The following SLC16A7 variants were observed in gnomAD, a reference collection of about 807,000 sequenced individuals.
SLC16A7 encodes solute carrier family 16 member 7.
In SLC16A7, 33 loss-of-function variants were observed where a neutral mutation model predicts 34.9. That is an observed-to-expected ratio of 0.94 (90% confidence interval 0.72 to 1.26). The LOEUF (loss-of-function observed/expected upper bound fraction) is 1.26, where lower values mean the gene tolerates loss of function less well. Ranked by LOEUF, SLC16A7 falls within the 50% of genes most tolerant of loss-of-function variation. SLC16A7 has a pLI of 0.00. For missense variants in SLC16A7, 573 were observed against 578.1 expected (o/e 0.99, Z 0.09); for synonymous variants, 201 against 206.6 (o/e 0.97, Z 0.23).
chr12:59,711,312 A>G (rs778058300), intron 3 of SLC16A7, among the ~76,000 whole-genome samples: 3 of 152,200 alleles, frequency 2.0e-5, no homozygotes, highest in Non-Finnish European at 4.4e-5. Context: ...AGAGATTAAT[A>G]TGTTATGTTT....
intron 3 of SLC16A7, among the ~76,000 whole-genome samples, chr12:59,744,961 C>T (rs1283302424): frequency 6.6e-6 from 1 of 152,154 alleles, no homozygotes; most frequent in East Asian, 1.9e-4. Context: ...TCTAGATCCC[C>T]CCATCAAAGG....
chr12:59,752,176 G>A (rs1246447917), intron 3 of SLC16A7, among the ~76,000 whole-genome samples: 1 of 152,042 alleles, frequency 6.6e-6, no homozygotes, highest in African/African-American at 2.4e-5. Flanking sequence ...AGAAAAACTG[G>A]AAACTCTAAA....
intron 3 of SLC16A7, among the ~76,000 whole-genome samples, chr12:59,737,184 C>T (rs1047833773): frequency 6.6e-6 from 1 of 152,222 alleles, no homozygotes; most frequent in Admixed American, 6.5e-5. Flanking sequence ...GGACATACAA[C>T]TCACCTAATC....
chr12:59,670,260 T>A (rs139904832), intron 2 of SLC16A7, among the ~76,000 whole-genome samples: 1 of 152,294 alleles, frequency 6.6e-6, no homozygotes, highest in Non-Finnish European at 1.5e-5. Flanking sequence ...GGATAAAAGC[T>A]CACCCTACTC....
At chr12:59,738,463 G>A (rs1877863935) in intron 3 of SLC16A7, among the ~76,000 whole-genome samples, 1 of 152,164 alleles carries the variant, frequency 6.6e-6, no homozygotes, top group African/African-American at 2.4e-5. Context: ...GAACTGGGGA[G>A]GAAGAGAGTT....
At chr12:59,678,440 TTAGCAGAGAGGA>T (rs111697313) in intron 2 of SLC16A7, among the ~76,000 whole-genome samples, 10,827 of 152,192 alleles carry the variant, frequency 0.071, 432 homozygotes, top group Middle Eastern at 0.17. Context: ...TGTTCAGCTC[TTAGCAGAGAGGA>T]TACCCTGAAA....
Position 59,779,930 on chromosome 12 carries a change from G to A in SLC16A7, c.*251G>A, listed in dbSNP as rs1219116013. The A allele has an allele frequency of 8.9e-6, 3 of 335,344 alleles. No individual in the cohort carries two copies. The highest frequency in any genetic ancestry group is 9.2e-5 in the Admixed American group (2 of 21,642). The allele number at this position is 335,344 out of a possible 1,614,324, so 20.8% of individuals were successfully genotyped here. ...TTTATTTCCATACCTGACTCTGGGT[G>A]TGGTGGTTAAAATACTAATTTTAAA... On this transcript the variant is annotated 3_prime_UTR_variant, in exon 6 of 6. Coordinates refer to ENST00000547379, the MANE Select transcript of SLC16A7 (RefSeq NM_001270623.2).
At chr12:59,650,011 A>G (rs1239387727) in intron 1 of SLC16A7, among the ~76,000 whole-genome samples, 2 of 152,086 alleles carry the variant, frequency 1.3e-5, no homozygotes, top group African/African-American at 4.8e-5. Context: ...TATTTGTCTA[A>G]TATTTCACTT....
chr12:59,786,291 A>G lies in SLC16A7; in HGVS notation c.*6612A>G, dbSNP rs896090754. ...ACAAAAGAATGGCATTTTATCTCAC[A>G]TAAATTTAGGATGAAATTTTAAAAC... is the stretch of plus-strand genomic sequence containing the variant. On this transcript the variant is annotated 3_prime_UTR_variant, in exon 6 of 6. Coordinates refer to ENST00000547379, the MANE Select transcript of SLC16A7 (RefSeq NM_001270623.2). The G allele has an allele frequency of 6.6e-6, 1 of 152,010 alleles. No individual in the cohort carries two copies. The highest frequency in any genetic ancestry group is 1.5e-5 in the Non-Finnish European group (1 of 67,962). 9.4% of individuals were successfully genotyped at this position (152,010 alleles called of 1,614,324 possible). A position where few individuals can be genotyped will look rare whatever the true frequency, so the allele number is the denominator to read the frequency against.
chr12:59,745,550 A>G (rs1415758215), intron 3 of SLC16A7, among the ~76,000 whole-genome samples: 18 of 152,238 alleles, frequency 1.2e-4, no homozygotes. Flanking sequence ...TGGTCACCAA[A>G]CACACAATGA....
chr12:59,665,514 A>G (rs544642639), intron 2 of SLC16A7, among the ~76,000 whole-genome samples: 1 of 152,170 alleles, frequency 6.6e-6, no homozygotes, highest in Non-Finnish European at 1.5e-5. Flanking sequence ...TTAGGATAGT[A>G]TAATATTATG....
At chr12:59,710,971 T>C (rs1214618640) in intron 3 of SLC16A7, among the ~76,000 whole-genome samples, 1 of 152,216 alleles carries the variant, frequency 6.6e-6, no homozygotes, top group Non-Finnish European at 1.5e-5. Flanking sequence ...TTTATTTATG[T>C]TGATATTCTT....
intron 1 of SLC16A7, among the ~76,000 whole-genome samples, chr12:59,602,978 T>G (rs1048732331): frequency 1.3e-5 from 2 of 152,200 alleles, no homozygotes; most frequent in Non-Finnish European, 2.9e-5. Flanking sequence ...ACTTCCAGTA[T>G]CCTGTGGTCT....
chr12:59,661,500 T>C (rs1868848739), intron 2 of SLC16A7, among the ~76,000 whole-genome samples: 1 of 152,060 alleles, frequency 6.6e-6, no homozygotes, highest in African/African-American at 2.4e-5. Context: ...GAACCCAAGG[T>C]CCTGAGCTAG....
intron 3 of SLC16A7, among the ~76,000 whole-genome samples, chr12:59,720,859 A>G (rs1032818787): frequency 2.6e-5 from 4 of 152,054 alleles, no homozygotes; most frequent in Non-Finnish European, 4.4e-5. Flanking sequence ...ACTGCTTTCC[A>G]TACCATTTTC....
chr12:59,611,399 G>A (rs1474463308), intron 1 of SLC16A7, among the ~76,000 whole-genome samples: 1 of 152,182 alleles, frequency 6.6e-6, no homozygotes, highest in East Asian at 1.9e-4. Flanking sequence ...CAGCATGAGG[G>A]TAACTGCTTC....
chr12:59,778,596 T>C (rs1942533180), intron 5 of SLC16A7, among the ~76,000 whole-genome samples: 1 of 152,168 alleles, frequency 6.6e-6, no homozygotes, highest in South Asian at 2.1e-4. Context: ...GACAAAATTT[T>C]AAAAGTCAAT....
intron 5 of SLC16A7, 39 bp from the exon 6 acceptor site, chr12:59,779,384 T>A: frequency 6.7e-7 from 1 of 1,482,868 alleles, no homozygotes; most frequent in Non-Finnish European, 9.2e-7. Flanking sequence ...ATATGACTGT[T>A]TTATTATGCC....
chr12:59,646,067 T>C (rs1291406446), intron 1 of SLC16A7, among the ~76,000 whole-genome samples: 1 of 151,972 alleles, frequency 6.6e-6, no homozygotes, highest in African/African-American at 2.4e-5. Flanking sequence ...GTTTGGAAAA[T>C]TTTCAGCCTA....
Sources: gnomAD v4.1 joint callset for allele counts (sites outside exome capture counted in the v4.1 genomes callset) on GRCh38, gnomAD v4.1.1 for gene constraint, MANE v1.5 for transcripts, NCBI Gene and HGNC (gene_info 2026-07-23, HGNC 2026-07-21) for gene names.